TFAP2D: variants seen among roughly 807,000 people sequenced by gnomAD.
The protein encoded by TFAP2D is transcription factor AP-2 delta.
In TFAP2D, 9 loss-of-function variants were observed where a neutral mutation model predicts 43.6. The ratio of observed to expected loss-of-function variants is 0.21; its 90% confidence interval spans 0.12 to 0.36. The LOEUF is 0.36. Ranked by LOEUF, TFAP2D falls within the 10% of genes least tolerant of loss-of-function variation. The pLI, the probability that TFAP2D is intolerant of heterozygous loss-of-function variation, is 1.00. For synonymous variants in TFAP2D, 256 were observed against 224.9 expected, an observed-to-expected ratio of 1.14 and a Z score of -1.24; for missense variants, 513 against 561.4, an observed-to-expected ratio of 0.91 and a Z score of 0.87.
rs369742434 is a variant in TFAP2D at position 50,728,477 on chromosome 6, A to C, written c.599-379A>C. On this transcript the variant is annotated intron_variant, in intron 3 of 7. Transcript: ENST00000008391. Reference sequence around the variant, plus strand: ...ACATTGTGCATCTGTGTGTGTACATAAACATACAACCATGTATAAGTAATA... The same window carrying C: ...ACATTGTGCATCTGTGTGTGTACATCAACATACAACCATGTATAAGTAATA... Among the ~76,000 whole-genome samples, 8 of 152,330 alleles carry C rather than the reference A, an allele frequency of 5.3e-5. 1 individual carries two copies. The East Asian group carries it at 1.2e-3, about 22-fold the overall frequency.
chr6:50,731,453 C>T (rs1768891754), intron 5 of TFAP2D, among the ~76,000 whole-genome samples: 1 of 150,084 alleles, frequency 6.7e-6, no homozygotes. Flanking sequence ...CTTTCATACA[C>T]ACACACACAC....
At chr6:50,764,129 T>C (rs1769407798) in intron 7 of TFAP2D, among the ~76,000 whole-genome samples, 1 of 152,208 alleles carries the variant, frequency 6.6e-6, no homozygotes, top group Non-Finnish European at 1.5e-5. Context: ...TTAATTGTAC[T>C]ACTTTATGTC....
chr6:50,722,686 T>C (rs1381008086), intron 3 of TFAP2D, among the ~76,000 whole-genome samples: 1 of 151,676 alleles, frequency 6.6e-6, no homozygotes, highest in Non-Finnish European at 1.5e-5. Context: ...AGGGTGGGGG[T>C]ACAAGTGGGT....
chr6:50,750,573 C>T (rs1769186733), intron 6 of TFAP2D, among the ~76,000 whole-genome samples: 2 of 151,856 alleles, frequency 1.3e-5, no homozygotes, highest in African/African-American at 4.8e-5. Context: ...AAACCAATGA[C>T]CAAAAACCAT....
chr6:50,743,475 G>A (rs938215034), intron 5 of TFAP2D, among the ~76,000 whole-genome samples: 1 of 151,940 alleles, frequency 6.6e-6, no homozygotes, highest in Non-Finnish European at 1.5e-5. Flanking sequence ...TCAACTTCAT[G>A]GTGTCAAGCA....
At chr6:50,730,581 G>A (rs1768872719) in intron 5 of TFAP2D, among the ~76,000 whole-genome samples, 1 of 151,936 alleles carries the variant, frequency 6.6e-6, no homozygotes, top group South Asian at 2.1e-4. Context: ...TAAAAATGTG[G>A]GTTAAAATTA....
chr6:50,752,574 G>A (rs1561939110), intron 7 of TFAP2D, among the ~76,000 whole-genome samples: 1 of 151,778 alleles, frequency 6.6e-6, no homozygotes, highest in Non-Finnish European at 1.5e-5. Context: ...TGAAATTTAG[G>A]CTGCAACATC....
intron 6 of TFAP2D, 44 bp downstream of exon 6, chr6:50,745,292 T>G (rs768223298): frequency 1.3e-6 from 2 of 1,569,294 alleles, no homozygotes; most frequent in African/African-American, 1.4e-5. Flanking sequence ...ATCTTCAGTA[T>G]TTTTTTTTCA....
intron 5 of TFAP2D, among the ~76,000 whole-genome samples, chr6:50,737,453 T>G (rs935512904): frequency 6.6e-6 from 1 of 152,188 alleles, no homozygotes. Context: ...ACTTTTTGAT[T>G]GATTAATATA....
At chr6:50,749,428 T>G (rs1405584678) in intron 6 of TFAP2D, among the ~76,000 whole-genome samples, 1 of 151,834 alleles carries the variant, frequency 6.6e-6, no homozygotes, top group Non-Finnish European at 1.5e-5. Flanking sequence ...TTTATTTTAA[T>G]CTGATAGAAA....
intron 7 of TFAP2D, among the ~76,000 whole-genome samples, chr6:50,757,755 C>CTATATATATAGAATATATATAAT (rs1769307138): frequency 2.0e-5 from 1 of 49,536 alleles, no homozygotes; most frequent in Non-Finnish European, 4.5e-5. Flanking sequence ...TATAATTATT[C>CTATATATATAGAATATATATAAT]TATATATATA....
chr6:50,734,801 A>T (rs186668864), intron 5 of TFAP2D, among the ~76,000 whole-genome samples: 43 of 152,252 alleles, frequency 2.8e-4, no homozygotes, highest in African/African-American at 1.0e-3. Flanking sequence ...TAAAGAAAAG[A>T]TAAAAATTTT....
At position 50,728,937 on chromosome 6, in the gene TFAP2D, A is replaced by G; in HGVS notation, c.680A>G (p.Tyr227Cys). The G allele has an allele frequency of 6.2e-7, 1 of 1,613,984 alleles. No homozygotes were observed. Among genetic ancestry groups the G allele is most frequent in the Non-Finnish European group, 8.5e-7 (1 of 1,179,944 alleles). ...TCCCTTCTTAGTTCTACTTCCAAAT[A>G]CAAGGTGACCATTGCTGAGGTAAAG... is the stretch of plus-strand genomic sequence containing the variant. ...RLSLLSSTSK[Y>C]KVTIAEVKRR... The change falls in exon 4 of 8, where the codon TAC becomes TGC. Residue 227 changes from tyrosine to cysteine, a missense_variant. Physicochemically the swap from Tyr to Cys is radical, Grantham distance 194. Around this residue, in one of 3 missense-constraint regions of TFAP2D, gnomAD observed 311 missense variants for 316.2 expected, o/e 0.98. Transcript: ENST00000008391.
intron 5 of TFAP2D, among the ~76,000 whole-genome samples, chr6:50,737,546 T>C (rs1768981088): frequency 6.6e-6 from 1 of 152,218 alleles, no homozygotes; most frequent in African/African-American, 2.4e-5. Flanking sequence ...CTTTTCACTC[T>C]GTTCCCCAGT....
intron 5 of TFAP2D, among the ~76,000 whole-genome samples, chr6:50,742,206 C>G (rs1175192289): frequency 6.6e-6 from 1 of 152,048 alleles, no homozygotes; most frequent in African/African-American, 2.4e-5. Flanking sequence ...CACATTTTAA[C>G]TACATATCAG....
chr6:50,715,938 T>G (rs1277401465), intron 2 of TFAP2D, among the ~76,000 whole-genome samples: 2 of 152,080 alleles, frequency 1.3e-5, no homozygotes, highest in Non-Finnish European at 2.9e-5. Context: ...AATCAACATT[T>G]GTGACCCTGA....
At chr6:50,722,311 G>A (rs1393498195) in intron 3 of TFAP2D, among the ~76,000 whole-genome samples, 5 of 152,242 alleles carry the variant, frequency 3.3e-5, no homozygotes, top group Admixed American at 1.3e-4. Context: ...TTCGCCTCGG[G>A]CGTAGGCTTT....
intron 7 of TFAP2D, among the ~76,000 whole-genome samples, chr6:50,768,017 G>T (rs1160776256): frequency 6.6e-6 from 1 of 152,164 alleles, no homozygotes; most frequent in East Asian, 1.9e-4. Flanking sequence ...ACCATCATGG[G>T]CCATTTAACC....
intron 7 of TFAP2D, among the ~76,000 whole-genome samples, chr6:50,760,879 G>T (rs1769352949): frequency 6.6e-6 from 1 of 151,292 alleles, no homozygotes; most frequent in Non-Finnish European, 1.5e-5. Flanking sequence ...ACAATTCTTT[G>T]CTGTTGTTGT....
Sources: gnomAD v4.1 joint callset for allele counts (sites outside exome capture counted in the v4.1 genomes callset) on GRCh38, gnomAD v4.1.1 for gene constraint, gnomAD v4.1.1 regional missense constraint, MANE v1.5 for transcripts, NCBI Gene and HGNC (gene_info 2026-07-23, HGNC 2026-07-21) for gene names.